PTPRM: variants seen among roughly 807,000 people sequenced by gnomAD.
PTPRM encodes protein tyrosine phosphatase receptor type M.
A neutral mutation model predicts 186.7 loss-of-function variants in PTPRM; 47 were observed. The ratio of observed to expected loss-of-function variants is 0.25; its 90% CI spans 0.20 to 0.32. PTPRM has a LOEUF of 0.32. Among genes scored for constraint, PTPRM ranks in the 10% least tolerant of loss-of-function variants. PTPRM has a pLI of 1.00. For synonymous variants in PTPRM, 668 were observed against 674.9 expected, an observed-to-expected ratio of 0.99 and a Z score of 0.16; for missense variants, 1,494 against 1,865.0, an observed-to-expected ratio of 0.80 and a Z score of 3.66.
chr18:8,036,685 T>C (rs1225516112), intron 7 of PTPRM, among the ~76,000 whole-genome samples: 1 of 152,196 alleles, frequency 6.6e-6, no homozygotes, highest in Non-Finnish European at 1.5e-5. Context: ...AAGACCAGTT[T>C]GCAGAACCAG....
At chr18:8,141,248 A>C in intron 13 of PTPRM, among the ~76,000 whole-genome samples, 1 of 152,100 alleles carries the variant, frequency 6.6e-6, no homozygotes, top group East Asian at 1.9e-4. Flanking sequence ...CAGAGTCCTA[A>C]ACCCAAACAC....
intron 14 of PTPRM, among the ~76,000 whole-genome samples, chr18:8,228,883 G>A (rs1333406067): frequency 6.6e-6 from 1 of 151,834 alleles, no homozygotes; most frequent in Non-Finnish European, 1.5e-5. Flanking sequence ...GAAAAATTCA[G>A]AAATTAAAAT....
intron 2 of PTPRM, among the ~76,000 whole-genome samples, chr18:7,847,586 C>T (rs1357265388): frequency 1.3e-5 from 2 of 152,108 alleles, no homozygotes; most frequent in Admixed American, 6.5e-5. Flanking sequence ...GGCTCTGTCT[C>T]CCTTTCCAGA....
At chr18:7,910,219 A>G (rs994706568) in intron 4 of PTPRM, among the ~76,000 whole-genome samples, 6 of 152,216 alleles carry the variant, frequency 3.9e-5, no homozygotes, top group Admixed American at 2.0e-4. Flanking sequence ...ACCCGCGACC[A>G]TAGTCAAATT....
intron 1 of PTPRM, among the ~76,000 whole-genome samples, chr18:7,716,578 C>A (rs1489359785): frequency 6.6e-6 from 1 of 152,096 alleles, no homozygotes; most frequent in African/African-American, 2.4e-5. Flanking sequence ...TTTTTGCAAT[C>A]TATCCATCTG....
intron 1 of PTPRM, among the ~76,000 whole-genome samples, chr18:7,678,231 T>C (rs1278309990): frequency 6.6e-6 from 1 of 152,166 alleles, no homozygotes; most frequent in Non-Finnish European, 1.5e-5. Context: ...AGTTAGGAAG[T>C]CCTGGCTTCA....
At chr18:7,774,308 A>G in intron 2 of PTPRM, 37 bp downstream of exon 2, 2 of 1,606,808 alleles carry the variant, frequency 1.2e-6, no homozygotes, top group Non-Finnish European at 8.5e-7. Flanking sequence ...TTAAAGAGGA[A>G]CACAAGAGTC....
At position 8,384,487 on chromosome 18, in the gene PTPRM, A is replaced by G. The variant is rs1017703225; in HGVS notation, c.3919-74A>G. 8 of 1,552,074 alleles carry G rather than the reference A, an allele frequency of 5.2e-6. No homozygotes were observed. In the South Asian group the frequency reaches 9.0e-5, roughly 18 times the overall value. On this transcript the variant is annotated intron_variant, in intron 29 of 32. Transcript: ENST00000580170. ...AAAAAAAGGATTACTGAGTGTCAAT[A>G]CTAACCTTATCCAAACTGTTAGGAG...
chr18:7,657,111 T>C (rs1162069067), intron 1 of PTPRM, among the ~76,000 whole-genome samples: 1 of 152,222 alleles, frequency 6.6e-6, no homozygotes, highest in East Asian at 1.9e-4. Flanking sequence ...GTTGTGTCCC[T>C]GTCCCTTGAC....
At chr18:7,810,614 A>T (rs2044461872) in intron 2 of PTPRM, among the ~76,000 whole-genome samples, 1 of 150,978 alleles carries the variant, frequency 6.6e-6, no homozygotes, top group Non-Finnish European at 1.5e-5. Flanking sequence ...TGTTGGGGAG[A>T]GACTGGGGTG....
intron 2 of PTPRM, among the ~76,000 whole-genome samples, chr18:7,878,929 T>A (rs936630743): frequency 1.3e-5 from 2 of 152,186 alleles, no homozygotes; most frequent in Non-Finnish European, 2.9e-5. Context: ...ACGTTCTAAA[T>A]AGTCAACCTG....
Position 7,737,947 on chromosome 18 carries a change from A to G in PTPRM, c.74-36202A>G, listed in dbSNP as rs763742028. On this transcript the variant is annotated intron_variant, in intron 1 of 32. Transcript: ENST00000580170. ...TTTCCCTTTGATTAATGAATATAAC[A>G]TTCATTAAATATTTTGGATTTCACT... 3.6e-4 allele frequency among the ~76,000 whole-genome samples: 55 copies of G among 152,118 alleles called. 1 individual carries two copies. The highest frequency in any genetic ancestry group is 6.9e-4 in the Non-Finnish European group (47 of 68,022).
chr18:8,178,397 T>G (rs1318927589), intron 14 of PTPRM, among the ~76,000 whole-genome samples: 2 of 152,226 alleles, frequency 1.3e-5, no homozygotes, highest in Non-Finnish European at 2.9e-5. Flanking sequence ...CTGATTTGTT[T>G]GCAAAATAAG....
At chr18:8,356,501 A>G (rs1483969241) in intron 23 of PTPRM, among the ~76,000 whole-genome samples, 1 of 152,152 alleles carries the variant, frequency 6.6e-6, no homozygotes, top group Non-Finnish European at 1.5e-5. Context: ...AAATTGAACC[A>G]AACAGAAACA....
At chr18:8,108,447 G>T (rs1172407357) in intron 11 of PTPRM, among the ~76,000 whole-genome samples, 1 of 152,056 alleles carries the variant, frequency 6.6e-6, no homozygotes, top group Non-Finnish European at 1.5e-5. Flanking sequence ...AAAGAAATAC[G>T]ATAAATGGAT....
chr18:8,354,289 A>G (rs2095552289), intron 23 of PTPRM, among the ~76,000 whole-genome samples: 1 of 152,054 alleles, frequency 6.6e-6, no homozygotes, highest in African/African-American at 2.4e-5. Flanking sequence ...GGAAAGAGAA[A>G]AGAGGAGGAC....
At chr18:8,192,451 T>A (rs560311406) in intron 14 of PTPRM, among the ~76,000 whole-genome samples, 1 of 152,142 alleles carries the variant, frequency 6.6e-6, no homozygotes, top group Non-Finnish European at 1.5e-5. Flanking sequence ...ACTCAAAGAC[T>A]AATGAGATTA....
rs186157365 is a variant in PTPRM, at chr18:8,135,540, A to T, written c.2168-8107A>T. ...TGCATGTTTCAAAGCTCTCCAAATG[A>T]TTCTTCACCCAGCCTGAGTTTTAAA... On this transcript the variant is annotated intron_variant, in intron 13 of 32. Coordinates refer to ENST00000580170, the MANE Select transcript of PTPRM (RefSeq NM_001105244.2). Among the ~76,000 whole-genome samples, 249 of 152,264 alleles carry T rather than the reference A, an allele frequency of 1.6e-3. 3 individuals are homozygous for T. Among genetic ancestry groups the T allele is most frequent in the African/African-American group, 5.8e-3 (239 of 41,550 alleles).
intron 1 of PTPRM, among the ~76,000 whole-genome samples, chr18:7,766,321 T>C (rs2042012517): frequency 6.6e-6 from 1 of 152,086 alleles, no homozygotes; most frequent in South Asian, 2.1e-4. Flanking sequence ...CTGTAACGGG[T>C]ATTAGAATAC....
Sources: allele counts gnomAD v4.1 joint callset (sites outside exome capture counted in the v4.1 genomes callset), GRCh38; gene constraint gnomAD v4.1.1; transcripts MANE v1.5; gene names NCBI Gene and HGNC (gene_info 2026-07-23, HGNC 2026-07-21).